Variants in FAM118B observed in about 807,000 individuals in gnomAD.
FAM118B encodes protein FAM118B.
FAM118B carries 24 observed loss-of-function variants against 38.5 expected under a neutral mutation model. The ratio of observed to expected loss-of-function variants is 0.62; its 90% CI spans 0.45 to 0.88. The LOEUF is 0.88. Among genes scored for constraint, FAM118B ranks in the 40% least tolerant of loss-of-function variants. The pLI is 0.00. For missense variants in FAM118B, 334 were observed against 420.0 expected (o/e 0.80, Z 1.79); for synonymous variants, 138 against 156.3 (o/e 0.88, Z 0.87).
intron 5 of FAM118B, among the ~76,000 whole-genome samples, chr11:126,254,049 T>C (rs1950540983): frequency 6.6e-6 from 1 of 152,248 alleles, no homozygotes; most frequent in Non-Finnish European, 1.5e-5. Context: ...CCCTGTTGTT[T>C]CTGCAAATTA....
At position 126,254,340 on chromosome 11, in the gene FAM118B, C is replaced by T. The variant is rs556956779; in HGVS notation, c.603C>T (p.Ser201=). The part of the protein sequence containing the change: ...LEWAQEKRKL[S]VLHIHGVYTN... ...GGGCTCAGGAGAAGCGTAAGCTGAG[C>T]GTGTTGCATATTCACGGAGTCTACA... Residue 201 remains serine, a synonymous_variant, in exon 6 of 9, where the codon AGC becomes AGT. Transcript: ENST00000533050. The T allele has an allele frequency of 2.1e-5, 34 of 1,613,586 alleles. 1 individual carries two copies. In the African/African-American group the frequency reaches 2.7e-4, roughly 13 times the overall value.
chr11:126,215,173 C>T (rs1949962671), intron 1 of FAM118B, among the ~76,000 whole-genome samples: 1 of 152,162 alleles, frequency 6.6e-6, no homozygotes, highest in African/African-American at 2.4e-5. Flanking sequence ...AGTTTTTTGT[C>T]ATTTGAAAGA....
rs889095538 is a variant in FAM118B, at chr11:126,256,060, C to T, written c.697-507C>T. ...CCAAGGTGGGTGGATCACTCGAGGT[C>T]GGGAGTACCAGACCAGCCTGGCCAA... On this transcript the variant is annotated intron_variant, in intron 6 of 8. Transcript: ENST00000533050. The surrounding 1 kb of genome is among the most constrained non-coding windows in gnomAD (Gnocchi z 6.6). 2.6e-5 allele frequency among the ~76,000 whole-genome samples: 4 copies of T among 152,196 alleles called. No homozygotes were observed. The highest frequency in any genetic ancestry group is 7.2e-5 in the African/African-American group (3 of 41,452).
rs760343750 is a variant in FAM118B at position 126,257,527 on chromosome 11, AAGTT to A, written c.982+678_982+681del. 5.3e-5 allele frequency among the ~76,000 whole-genome samples: 8 copies of A among 152,324 alleles called. No homozygotes were observed. The South Asian group carries it at 6.2e-4, about 12-fold the overall frequency. On this transcript the variant is annotated intron_variant, in intron 7 of 8. Transcript: ENST00000533050. ...AGTGTTTTCATTGCCATAAAAAAAA[AAGTT>A]AGAGACATATGAGTAAAGGAAGAAA...
intron 2 of FAM118B, among the ~76,000 whole-genome samples, chr11:126,231,439 A>G (rs1032399053): frequency 9.2e-5 from 14 of 152,128 alleles, no homozygotes; most frequent in African/African-American, 3.4e-4. Context: ...AGTACTCTAG[A>G]AGGAATAAAA....
At chr11:126,221,677 G>A (rs1052207929) in intron 1 of FAM118B, among the ~76,000 whole-genome samples, 4 of 151,882 alleles carry the variant, frequency 2.6e-5, no homozygotes, top group Non-Finnish European at 5.9e-5. Context: ...AGGGGTGAAT[G>A]GGGTGGGAAG....
chr11:126,212,230 C>G (rs1949891411), intron 1 of FAM118B, among the ~76,000 whole-genome samples: 1 of 152,320 alleles, frequency 6.6e-6, no homozygotes. Context: ...CGGCCCCTTC[C>G]CTTATCCAGG....
At position 126,226,528 on chromosome 11, in the gene FAM118B, C is replaced by A. The variant is rs572856837; in HGVS notation, c.-76-2697C>A. On this transcript the variant is annotated intron_variant, in intron 1 of 8. Transcript: ENST00000533050. ...TCCTATCACTGTGAGTTAGAAAGGCCCTTCAGCAATTTAACAGGCCTTTTC... is the reference window on the plus strand; with the variant it reads ...TCCTATCACTGTGAGTTAGAAAGGCACTTCAGCAATTTAACAGGCCTTTTC... Among the ~76,000 whole-genome samples the A allele has an allele frequency of 1.4e-3, 216 of 152,352 alleles. 1 individual carries two copies. The highest frequency in any genetic ancestry group is 2.5e-3 in the South Asian group (12 of 4,830).
intron 2 of FAM118B, among the ~76,000 whole-genome samples, chr11:126,230,598 T>C (rs1383760071): frequency 6.6e-6 from 1 of 152,200 alleles, no homozygotes; most frequent in African/African-American, 2.4e-5. Flanking sequence ...GTAGATCTTT[T>C]ATTTCCAGGC....
At chr11:126,236,779 G>A (rs1048981039) in intron 3 of FAM118B, among the ~76,000 whole-genome samples, 4 of 142,174 alleles carry the variant, frequency 2.8e-5, no homozygotes, top group African/African-American at 5.2e-5. Context: ...CCCCCATTTC[G>A]TTTTCTTAAA....
chr11:126,224,644 G>A (rs1950115225), intron 1 of FAM118B, among the ~76,000 whole-genome samples: 1 of 152,076 alleles, frequency 6.6e-6, no homozygotes, highest in Non-Finnish European at 1.5e-5. Flanking sequence ...GGTACAATCT[G>A]AATAAAGGCA....
At chr11:126,222,931 T>C (rs2135133655) in intron 1 of FAM118B, among the ~76,000 whole-genome samples, 1 of 152,240 alleles carries the variant, frequency 6.6e-6, no homozygotes, top group South Asian at 2.1e-4. Context: ...TACTGTGAGA[T>C]ACAAACTAGG....
intron 1 of FAM118B, among the ~76,000 whole-genome samples, chr11:126,222,148 T>C (rs1950071958): frequency 6.6e-6 from 1 of 152,234 alleles, no homozygotes; most frequent in Admixed American, 6.5e-5. Flanking sequence ...GCTTAACATC[T>C]GTGTGCTTCT....
At chr11:126,230,923 AT>A (rs1458841293) in intron 2 of FAM118B, among the ~76,000 whole-genome samples, 1 of 152,198 alleles carries the variant, frequency 6.6e-6, no homozygotes, top group Non-Finnish European at 1.5e-5. Context: ...ACTTAATTTC[AT>A]TTGGATAACC....
intron 1 of FAM118B, among the ~76,000 whole-genome samples, chr11:126,220,863 C>T (rs952765889): frequency 1.3e-5 from 2 of 151,644 alleles, no homozygotes; most frequent in African/African-American, 4.8e-5. Context: ...CTAAACAGTG[C>T]TTTTCAGCTC....
chr11:126,253,189 C>T lies in FAM118B; in HGVS notation c.568-1116C>T, dbSNP rs1352204304. Among the ~76,000 whole-genome samples the T allele has an allele frequency of 6.6e-6, 1 of 152,162 alleles. No individual in the cohort carries two copies. The highest frequency in any genetic ancestry group is 1.9e-4 in the East Asian group (1 of 5,198). On this transcript the variant is annotated intron_variant, in intron 5 of 8. Coordinates refer to ENST00000533050, the MANE Select transcript of FAM118B (RefSeq NM_024556.4). This position sits in a 1 kb window ranked among gnomAD's most constrained non-coding sequence, Gnocchi z 5.1. Reference sequence around the variant, plus strand: ...GATATCTATCACATTTGATGTTTTCCTTCTCATTTCATCCTTGGGCCTCAA... The same window carrying T: ...GATATCTATCACATTTGATGTTTTCTTTCTCATTTCATCCTTGGGCCTCAA...
chr11:126,262,142 G>C lies in FAM118B; in HGVS notation c.*9G>C, dbSNP rs1183480859. ...CAGGCTGTAGTACATGAGCGAGCTA[G>C]AGAAATCACCACCGTTTAGACCAAG... On this transcript the variant is annotated 3_prime_UTR_variant, in exon 9 of 9. Transcript: ENST00000533050. 1.9e-6 allele frequency: 3 copies of C among 1,614,040 alleles called. No homozygotes were observed. The highest frequency in any genetic ancestry group is 3.3e-5 in the Admixed American group (2 of 60,020).
intron 3 of FAM118B, 56 bp from the exon 4 acceptor site, chr11:126,240,736 T>A: frequency 6.7e-7 from 1 of 1,503,540 alleles, no homozygotes; most frequent in Non-Finnish European, 8.9e-7. Flanking sequence ...ACAGTCTTTC[T>A]GTGTGCCTCA....
At chr11:126,258,150 C>T (rs143809961) in intron 7 of FAM118B, among the ~76,000 whole-genome samples, 7 of 152,302 alleles carry the variant, frequency 4.6e-5, no homozygotes, top group Non-Finnish European at 8.8e-5. Context: ...AATCCCAACA[C>T]TGTGGGAGGC....
Sources: gnomAD v4.1 joint callset for allele counts (sites outside exome capture counted in the v4.1 genomes callset) on GRCh38, gnomAD v4.1.1 for gene constraint, Gnocchi (gnomAD v3.1) non-coding constraint, MANE v1.5 for transcripts, NCBI Gene and HGNC (gene_info 2026-07-23, HGNC 2026-07-21) for gene names.